The following R3HDM1 variants were observed in gnomAD, a reference collection of about 807,000 sequenced individuals.
R3HDM1 encodes the protein R3H domain-containing protein 1.
R3HDM1 carries 46 observed loss-of-function variants against 141.1 expected under a neutral mutation model. That is an observed-to-expected ratio of 0.33 (90% CI 0.26 to 0.42). The LOEUF (loss-of-function observed/expected upper bound fraction) is 0.42, where lower values mean the gene tolerates loss of function less well. R3HDM1 is among the 10% of genes least tolerant of loss of function. R3HDM1 has a pLI of 1.00. For missense variants in R3HDM1, 1,184 were observed against 1,368.3 expected (o/e 0.87, Z 2.12); for synonymous variants, 435 against 472.9 (o/e 0.92, Z 1.04).
chr2:135,534,195 A>G (rs755492790), intron 1 of R3HDM1, among the ~76,000 whole-genome samples: 6 of 152,228 alleles, frequency 3.9e-5, no homozygotes, highest in Non-Finnish European at 7.3e-5. Context: ...GGGAATAAAA[A>G]TTAGTGTACT....
chr2:135,651,457 A>G (rs1404945745), intron 17 of R3HDM1: 1 of 974,646 alleles, frequency 1.0e-6, no homozygotes, highest in African/African-American at 1.8e-5. Flanking sequence ...AAATGTCTTC[A>G]TTTTTTAATG....
chr2:135,719,508 T>C (rs959359678), intron 24 of R3HDM1, among the ~76,000 whole-genome samples: 58 of 152,032 alleles, frequency 3.8e-4, no homozygotes, highest in African/African-American at 1.4e-3. Context: ...GAGTTATCCA[T>C]TAGATATAAA....
At chr2:135,632,119 A>G in intron 9 of R3HDM1, 118 bp downstream of exon 9, 3 of 908,782 alleles carry the variant, frequency 3.3e-6, no homozygotes, top group Middle Eastern at 3.8e-4. Flanking sequence ...AAGTTTTATG[A>G]TAACCTTATG....
intron 1 of R3HDM1, among the ~76,000 whole-genome samples, chr2:135,569,721 TTTTTTTTGTTGTTG>T (rs1003695949): frequency 6.2e-5 from 9 of 146,254 alleles, no homozygotes; most frequent in Admixed American, 1.4e-4. Context: ...GTAAGCTCTT[TTTTTTTTGTTGTTG>T]TTTTTTTTGG....
intron 15 of R3HDM1, 34 bp downstream of exon 15, chr2:135,641,824 T>C: frequency 6.5e-7 from 1 of 1,546,530 alleles, no homozygotes; most frequent in Non-Finnish European, 8.7e-7. Context: ...TCAGGAATTA[T>C]CTGAAAATTT....
At chr2:135,656,550 C>G (rs1022815890) in intron 18 of R3HDM1, 102 of 151,720 alleles carry the variant, frequency 6.7e-4, no homozygotes, top group African/African-American at 2.4e-3. Context: ...CTGTATTGTT[C>G]CAATTTTGTC....
intron 24 of R3HDM1, among the ~76,000 whole-genome samples, chr2:135,716,551 C>CA (rs963105261): frequency 1.6e-4 from 24 of 151,780 alleles, no homozygotes; most frequent in Non-Finnish European, 2.2e-4. Flanking sequence ...TATCCTATAG[C>CA]AAAAAAAATT....
chr2:135,597,909 G>A (rs964201789), intron 1 of R3HDM1, among the ~76,000 whole-genome samples: 3 of 152,208 alleles, frequency 2.0e-5, no homozygotes, highest in African/African-American at 7.2e-5. Flanking sequence ...TGGGGCTACC[G>A]AAGTTTCCAG....
At chr2:135,605,722 TC>T (rs2059987879) in intron 3 of R3HDM1, 1 of 152,198 alleles carries the variant, frequency 6.6e-6, no homozygotes, top group Admixed American at 6.5e-5. Flanking sequence ...TCTCTCTCTG[TC>T]GCCCAGGCTG....
intron 21 of R3HDM1, among the ~76,000 whole-genome samples, chr2:135,704,889 A>G (rs189528950): frequency 2.0e-5 from 3 of 152,232 alleles, no homozygotes; most frequent in Admixed American, 6.5e-5. Context: ...TTTTATGAAT[A>G]TACAATAATA....
intron 3 of R3HDM1, chr2:135,607,070 C>G (rs1475298822): frequency 2.0e-5 from 3 of 152,200 alleles, no homozygotes; most frequent in Admixed American, 6.5e-5. Flanking sequence ...CTTACTGCAG[C>G]CTCCACCTCC....
intron 1 of R3HDM1, among the ~76,000 whole-genome samples, chr2:135,555,852 C>T (rs947153824): frequency 3.3e-5 from 5 of 152,046 alleles, no homozygotes; most frequent in Non-Finnish European, 7.4e-5. Flanking sequence ...ATAATTTCTA[C>T]AGAAATTAAA....
chr2:135,582,625 C>T (rs991785101), intron 1 of R3HDM1, among the ~76,000 whole-genome samples: 1 of 151,972 alleles, frequency 6.6e-6, no homozygotes, highest in Admixed American at 6.5e-5. Flanking sequence ...ACCCACACTG[C>T]GTGGTATGGA....
In R3HDM1 at chr2:135,634,412, A is replaced by G. The variant is rs746639645; in HGVS notation, c.699-1478A>G. On this transcript the variant is annotated intron_variant, in intron 9 of 26. Coordinates refer to ENST00000683871, the MANE Select transcript of R3HDM1 (RefSeq NM_001378107.1). ...TCCCAGCACTTTGGGAGACTGAGGC[A>G]GGTGGATCACTTGAGGTCGGGAGTG... 7.3e-4 allele frequency among the ~76,000 whole-genome samples: 111 copies of G among 152,174 alleles called. 3 individuals are homozygous for G. Among genetic ancestry groups the G allele is most frequent in the Non-Finnish European group, 2.2e-4 (15 of 68,018 alleles).
chr2:135,641,474 A>C, intron 14 of R3HDM1, 62 bp from the exon 15 acceptor site: 1 of 1,493,768 alleles, frequency 6.7e-7, no homozygotes, highest in Non-Finnish European at 9.0e-7. Context: ...TTGTTGTTTT[A>C]AAAACCTGTG....
chr2:135,709,066 C>T (rs2075300756), intron 21 of R3HDM1, among the ~76,000 whole-genome samples: 1 of 151,254 alleles, frequency 6.6e-6, no homozygotes, highest in Admixed American at 6.6e-5. Flanking sequence ...TATGTCAGAA[C>T]ATGTTCTGTT....
chr2:135,542,102 A>G (rs1254356787), intron 1 of R3HDM1, among the ~76,000 whole-genome samples: 1 of 152,218 alleles, frequency 6.6e-6, no homozygotes, highest in African/African-American at 2.4e-5. Context: ...TTTGCATAAA[A>G]CAAAGTTTTG....
intron 21 of R3HDM1, among the ~76,000 whole-genome samples, chr2:135,683,833 A>G (rs2070783108): frequency 6.6e-6 from 1 of 152,168 alleles, no homozygotes; most frequent in Non-Finnish European, 1.5e-5. Context: ...AGTGGCTTAT[A>G]TAAATTATAT....
rs72174180 is a variant in R3HDM1, at chr2:135,565,322, A to AATTATT, written c.-250+33726_-250+33731dup. 7.5e-3 allele frequency among the ~76,000 whole-genome samples: 1,075 copies of AATTATT among 143,138 alleles called. 15 individuals carry two copies. The highest frequency in any genetic ancestry group is 0.038 in the East Asian group (187 of 4,912). 93.9% of individuals were successfully genotyped at this position (143,138 alleles called of 152,430 possible). A position where few individuals can be genotyped will look rare whatever the true frequency, so the allele number is the denominator to read the frequency against. On this transcript the variant is annotated intron_variant, in intron 1 of 26. Transcript: ENST00000683871. Reference sequence around the variant, plus strand: ...TCTTCTGTCCTTGCCAATGAAAAAAAATTATTATTATTATTATTATTATTA... The same window carrying AATTATT: ...TCTTCTGTCCTTGCCAATGAAAAAAAATTATTATTATTATTATTATTATTATTATTA...
Sources: allele counts gnomAD v4.1 joint callset (sites outside exome capture counted in the v4.1 genomes callset), GRCh38; gene constraint gnomAD v4.1.1; transcripts MANE v1.5; gene names NCBI Gene and HGNC (gene_info 2026-07-23, HGNC 2026-07-21).